DNAH8: variants seen among roughly 807,000 people sequenced by gnomAD.
DNAH8 encodes the protein axonemal beta dynein heavy chain 8.
A neutral mutation model predicts 562.1 loss-of-function variants in DNAH8; 382 were observed. That is an observed-to-expected ratio of 0.68 (90% CI 0.63 to 0.74). DNAH8 has a LOEUF of 0.74. Ranked by LOEUF, DNAH8 falls within the 30% of genes least tolerant of loss-of-function variation. The pLI is 0.00. For missense variants in DNAH8, 5,203 were observed against 5,620.4 expected, an observed-to-expected ratio of 0.93 and a Z score of 2.37; for synonymous variants, 1,881 against 1,919.4, an observed-to-expected ratio of 0.98 and a Z score of 0.52.
At chr6:38,809,549 C>A (rs767252690) in intron 24 of DNAH8, among the ~76,000 whole-genome samples, 5 of 152,092 alleles carry the variant, frequency 3.3e-5, no homozygotes, top group Non-Finnish European at 7.4e-5. Flanking sequence ...ATCTATAGAT[C>A]AATTTGAAGA....
chr6:38,984,260 A>T lies in DNAH8; in HGVS notation c.13006A>T (p.Arg4336Ter). 6.2e-7 allele frequency: 1 copy of T among 1,611,242 alleles called. No homozygotes were observed. Among genetic ancestry groups the T allele is most frequent in the Non-Finnish European group, 8.5e-7 (1 of 1,177,338 alleles). ...GATCGGAGAAGTACAATATGGAGGC[A>T]GAGTGACAGATGACTTTGACAAACG... ...YMIGEVQYGGRVTDDFDKRLL... is the reference protein window; with the variant it reads ...YMIGEVQYGG Residue 4336 changes from arginine (R) to a stop codon, truncating the protein, a stop_gained, in exon 87 of 93, where the codon AGA becomes TGA. Coordinates refer to ENST00000327475, the MANE Select transcript of DNAH8 (RefSeq NM_001206927.2). LOFTEE classifies it high-confidence loss of function.
Position 38,868,110 on chromosome 6 carries a change from C to T in DNAH8, c.6742C>T (p.Leu2248Phe). Residue 2248 changes from leucine (L) to phenylalanine (F), a missense_variant, in exon 48 of 93, where the codon CTT becomes TTT. By Grantham distance (22) the Leu-to-Phe change is conservative. Around this residue, in one of 6 missense-constraint regions of DNAH8, gnomAD observed 2,176 missense variants for 2,365.1 expected, o/e 0.92. Transcript: ENST00000327475. Reference sequence around the variant, plus strand: ...AAATATTCTGTCTGTATTGAGGACTCTTGGATCTCAAAAAAGAGCCAGACC... The same window carrying T: ...AAATATTCTGTCTGTATTGAGGACTTTTGGATCTCAAAAAAGAGCCAGACC... The part of the protein sequence containing the change: ...LRNILSVLRT[L>F]GSQKRARPED... 1.2e-6 allele frequency: 2 copies of T among 1,613,672 alleles called. No homozygotes were observed. Among genetic ancestry groups the T allele is most frequent in the Non-Finnish European group, 1.7e-6 (2 of 1,179,698 alleles).
At chr6:38,913,589 T>C (rs996041083) in intron 66 of DNAH8, among the ~76,000 whole-genome samples, 2 of 152,214 alleles carry the variant, frequency 1.3e-5, no homozygotes, top group African/African-American at 2.4e-5. Context: ...TCTTATTCAA[T>C]AGGACATTGT....
chr6:38,981,136 C>A (rs1283843508), intron 85 of DNAH8, among the ~76,000 whole-genome samples: 1 of 151,848 alleles, frequency 6.6e-6, no homozygotes, highest in Non-Finnish European at 1.5e-5. Flanking sequence ...ATTAAACATT[C>A]CCATAGATGT....
chr6:38,914,847 ATTG>A (rs1561855969), intron 67 of DNAH8, among the ~76,000 whole-genome samples: 2 of 152,050 alleles, frequency 1.3e-5, no homozygotes, highest in East Asian at 3.9e-4. Context: ...AGCTTCTTTT[ATTG>A]TTATTATACA....
chr6:38,986,106 G>A (rs1486141534), intron 87 of DNAH8, among the ~76,000 whole-genome samples: 2 of 152,196 alleles, frequency 1.3e-5, no homozygotes, highest in East Asian at 3.9e-4. Flanking sequence ...TTCTGAACCA[G>A]AATCCTGCTC....
chr6:38,781,494 G>A, intron 16 of DNAH8, 121 bp downstream of exon 16: 2 of 1,210,578 alleles, frequency 1.7e-6, no homozygotes, highest in Non-Finnish European at 2.3e-6. Context: ...CTTTTACCAG[G>A]CAAGGAAAAT....
At position 38,982,388 on chromosome 6, in the gene DNAH8, G is replaced by C. The variant is rs773290369; in HGVS notation, c.12877G>C (p.Glu4293Gln). ...CCCCTTAGGATGGAATATTCCCTAC[G>C]AATTCAATTCTGCTGACTTTTCAGC... ...FGPLGWNIPYEFNSADFSASV... is the reference protein window; with the variant it reads ...FGPLGWNIPYQFNSADFSASV... The change falls in exon 86 of 93, where the codon GAA (glutamate) becomes CAA (glutamine). Residue 4293 changes from glutamate (E) to glutamine (Q), a missense_variant. Around this residue, in one of 6 missense-constraint regions of DNAH8, gnomAD observed 1,399 missense variants for 1,518.4 expected, o/e 0.92. Coordinates refer to ENST00000327475, the MANE Select transcript of DNAH8 (RefSeq NM_001206927.2). The C allele has an allele frequency of 1.2e-6, 2 of 1,611,796 alleles. No individual in the cohort carries two copies. Among genetic ancestry groups the C allele is most frequent in the Non-Finnish European group, 1.7e-6 (2 of 1,178,102 alleles).
At chr6:38,957,053 C>T (rs1377392321) in intron 82 of DNAH8, among the ~76,000 whole-genome samples, 3 of 152,030 alleles carry the variant, frequency 2.0e-5, no homozygotes, top group Non-Finnish European at 2.9e-5. Context: ...CTCATTTTAC[C>T]TGGAAGGATA....
chr6:38,941,120 GAAA>G (rs571589806), intron 79 of DNAH8, among the ~76,000 whole-genome samples: 143 of 132,492 alleles, frequency 1.1e-3, no homozygotes, highest in African/African-American at 3.8e-3. Context: ...CTCTGTCTCA[GAAA>G]AAAAAAAAAG....
intron 82 of DNAH8, among the ~76,000 whole-genome samples, chr6:38,952,502 C>G (rs934551431): frequency 6.6e-6 from 1 of 152,136 alleles, no homozygotes; most frequent in African/African-American, 2.4e-5. Flanking sequence ...CCAATCATGT[C>G]TTTTGAGTAT....
rs764440056 is a variant in DNAH8, at chr6:38,973,763, G to T, written c.12628G>T (p.Val4210Leu). 1.2e-6 allele frequency: 2 copies of T among 1,611,190 alleles called. No homozygotes were observed. Among genetic ancestry groups the T allele is most frequent in the East Asian group, 4.5e-5 (2 of 44,686 alleles). ...TTEASDDSFR[V>L]WITTEPHDRF... ...TGAAGCCAGTGATGATTCTTTCCGA[G>T]TATGGATAACTACGGAGCCCCATGA... Residue 4210 changes from valine (V) to leucine (L), a missense_variant, in exon 84 of 93, where the codon GTA (valine) becomes TTA (leucine). Around this residue, in one of 6 missense-constraint regions of DNAH8, gnomAD observed 1,399 missense variants for 1,518.4 expected, o/e 0.92. Coordinates refer to ENST00000327475, the MANE Select transcript of DNAH8 (RefSeq NM_001206927.2).
chr6:38,761,679 T>C (rs1472521641), intron 10 of DNAH8, 23 bp from the exon 11 acceptor site: 5 of 1,260,314 alleles, frequency 4.0e-6, no homozygotes, highest in Non-Finnish European at 5.5e-6. Context: ...CATATAATTA[T>C]TTTGTACCTA....
At position 38,938,780 on chromosome 6, in the gene DNAH8, T is replaced by A; in HGVS notation, c.11817-18T>A. ...AGAAATTGCCCTTTGCTTCTTTGAT[T>A]CTTAAAATGTGTTTCAGATCTGAAA... On this transcript the variant is annotated intron_variant, in intron 78 of 92. Coordinates refer to ENST00000327475, the MANE Select transcript of DNAH8 (RefSeq NM_001206927.2). 6.4e-7 allele frequency: 1 copy of A among 1,562,060 alleles called. No individual in the cohort carries two copies. Among genetic ancestry groups the A allele is most frequent in the Non-Finnish European group, 8.7e-7 (1 of 1,150,476 alleles).
chr6:39,006,376 T>G (rs1765801461), intron 88 of DNAH8, among the ~76,000 whole-genome samples: 1 of 152,240 alleles, frequency 6.6e-6, no homozygotes. Flanking sequence ...TCTTTAATAC[T>G]TGTATTTTCA....
chr6:38,802,039 C>G (rs1215890785), intron 21 of DNAH8, among the ~76,000 whole-genome samples: 1 of 151,812 alleles, frequency 6.6e-6, no homozygotes, highest in Non-Finnish European at 1.5e-5. Flanking sequence ...CTCAAGCAAT[C>G]CTCTTGCCTC....
chr6:38,826,844 T>C (rs151267383), intron 29 of DNAH8, among the ~76,000 whole-genome samples: 1 of 152,200 alleles, frequency 6.6e-6, no homozygotes, highest in East Asian at 1.9e-4. Context: ...CTGTTGGAAC[T>C]TACATCAATG....
At chr6:38,748,765 A>AATAATAATAATAATT (rs1169490092) in intron 8 of DNAH8, among the ~76,000 whole-genome samples, 8 of 146,998 alleles carry the variant, frequency 5.4e-5, no homozygotes. Context: ...AAATAATAAT[A>AATAATAATAATAATT]ATAATAATAA....
At chr6:38,937,590 C>T (rs896495550) in intron 77 of DNAH8, among the ~76,000 whole-genome samples, 2 of 152,102 alleles carry the variant, frequency 1.3e-5, no homozygotes, top group Non-Finnish European at 2.9e-5. Flanking sequence ...GCAGCGTGGA[C>T]AAGCTGTGAC....
Sources: gnomAD v4.1 joint callset for allele counts (sites outside exome capture counted in the v4.1 genomes callset) on GRCh38, gnomAD v4.1.1 for gene constraint, gnomAD v4.1.1 regional missense constraint, MANE v1.5 for transcripts, NCBI Gene and HGNC (gene_info 2026-07-23, HGNC 2026-07-21) for gene names.